Variants in PEX5L observed in about 807,000 individuals in gnomAD.
PEX5L encodes the protein PEX5-related protein.
In PEX5L, 30 loss-of-function variants were observed where a neutral mutation model predicts 84.0. That is an observed-to-expected ratio of 0.36 (90% CI 0.27 to 0.48). The LOEUF (loss-of-function observed/expected upper bound fraction) is 0.48. Ranked by LOEUF, PEX5L falls within the 20% of genes least tolerant of loss-of-function variation. The pLI, the probability that PEX5L is intolerant of heterozygous loss-of-function variation, is 0.99. For synonymous variants in PEX5L, 270 were observed against 283.1 expected (o/e 0.95, Z 0.46); for missense variants, 533 against 754.6 (o/e 0.71, Z 3.44).
intron 2 of PEX5L, among the ~76,000 whole-genome samples, chr3:179,930,544 T>G (rs1772792992): frequency 6.6e-6 from 1 of 152,338 alleles, no homozygotes; most frequent in Admixed American, 6.5e-5. Flanking sequence ...AGTCTCTTAT[T>G]GATTGGCACT....
intron 1 of PEX5L, among the ~76,000 whole-genome samples, chr3:179,980,803 A>C (rs1786255567): frequency 1.3e-5 from 2 of 152,062 alleles, no homozygotes; most frequent in Admixed American, 6.6e-5. Flanking sequence ...GCACTTTGGG[A>C]GGCTGAGGTC....
In PEX5L at chr3:180,036,881, G is replaced by A; in HGVS notation, c.-282C>T. ...AGGCTCTCCTGCAGGCGCGGGTCCT[G>A]CTCGCGGGGCGTCTCTAGAACTCAC... On this transcript the variant is annotated 5_prime_UTR_variant, in exon 1 of 15. Coordinates refer to ENST00000467460, the MANE Select transcript of PEX5L (RefSeq NM_016559.3). The A allele has an allele frequency of 1.9e-6, 1 of 528,340 alleles. No homozygotes were observed. Among genetic ancestry groups the A allele is most frequent in the Non-Finnish European group, 3.4e-6 (1 of 290,630 alleles). 32.7% of individuals were successfully genotyped at this position (528,340 alleles called of 1,614,324 possible). A position where few individuals can be genotyped will look rare whatever the true frequency, so the allele number is the denominator to read the frequency against.
intron 1 of PEX5L, among the ~76,000 whole-genome samples, chr3:180,027,942 T>C (rs938645317): frequency 1.3e-5 from 2 of 152,200 alleles, no homozygotes; most frequent in Non-Finnish European, 2.9e-5. Context: ...ATTTTTGGCA[T>C]GATTATTACC....
intron 8 of PEX5L, among the ~76,000 whole-genome samples, chr3:179,846,926 T>C (rs1339484659): frequency 6.6e-6 from 1 of 152,156 alleles, no homozygotes; most frequent in South Asian, 2.1e-4. Context: ...AAATGGAAGA[T>C]CTAGAGACAT....
At chr3:179,863,345 C>T (rs1032566509) in intron 7 of PEX5L, among the ~76,000 whole-genome samples, 9 of 151,212 alleles carry the variant, frequency 6.0e-5, no homozygotes, top group Non-Finnish European at 1.3e-4. Context: ...AGTGGAATTA[C>T]ATCAAACTCA....
At chr3:179,878,225 G>C (rs1323389717) in intron 5 of PEX5L, among the ~76,000 whole-genome samples, 1 of 152,110 alleles carries the variant, frequency 6.6e-6, no homozygotes, top group East Asian at 1.9e-4. Context: ...TGTCCCCATT[G>C]CTCACGTATA....
At chr3:179,865,224 T>C (rs989392420) in intron 7 of PEX5L, among the ~76,000 whole-genome samples, 11 of 152,208 alleles carry the variant, frequency 7.2e-5, no homozygotes, top group African/African-American at 2.7e-4. Flanking sequence ...TAGGGAAGTG[T>C]TATTTTCCAC....
At chr3:179,862,990 A>C (rs962712468) in intron 7 of PEX5L, among the ~76,000 whole-genome samples, 1 of 152,236 alleles carries the variant, frequency 6.6e-6, no homozygotes, top group Non-Finnish European at 1.5e-5. Context: ...AAAAACAGGC[A>C]TATAGACCAA....
chr3:179,900,544 AC>A, intron 2 of PEX5L: 1 of 658,912 alleles, frequency 1.5e-6, no homozygotes, highest in South Asian at 1.9e-5. Flanking sequence ...TTTCACTAAA[AC>A]AAAAACAAAA....
chr3:179,865,703 G>T (rs1369754624), intron 7 of PEX5L, among the ~76,000 whole-genome samples: 2 of 152,020 alleles, frequency 1.3e-5, no homozygotes, highest in African/African-American at 4.8e-5. Flanking sequence ...AAACCTTTGT[G>T]GGCACTGGAA....
chr3:179,801,679 T>C lies in PEX5L; in HGVS notation c.*149A>G. 2 of 642,748 alleles carry C rather than the reference T, an allele frequency of 3.1e-6. No homozygotes were observed. The highest frequency in any genetic ancestry group is 5.4e-5 in the East Asian group (2 of 36,748). 39.8% of individuals were successfully genotyped at this position (642,748 alleles called of 1,614,324 possible). On this transcript the variant is annotated 3_prime_UTR_variant, in exon 15 of 15. Coordinates refer to ENST00000467460, the MANE Select transcript of PEX5L (RefSeq NM_016559.3). ...TTTGGATCTGAACAGAGACTGGGCA[T>C]TGTCCACAGGAATTAATTTCCTTGG... is the stretch of plus-strand genomic sequence containing the variant.
chr3:179,871,141 C>G (rs1750232120), intron 7 of PEX5L, among the ~76,000 whole-genome samples: 1 of 130,712 alleles, frequency 7.7e-6, no homozygotes, highest in Non-Finnish European at 1.5e-5. Flanking sequence ...CTCGCTCTGT[C>G]ACCCAGACTG....
chr3:179,944,615 T>C (rs1777035072), intron 2 of PEX5L, among the ~76,000 whole-genome samples: 2 of 152,218 alleles, frequency 1.3e-5, no homozygotes, highest in African/African-American at 4.8e-5. Flanking sequence ...AAAACAGAAT[T>C]ATGTTCTTTT....
chr3:179,815,150 G>C (rs1725543192), intron 10 of PEX5L, among the ~76,000 whole-genome samples: 1 of 152,206 alleles, frequency 6.6e-6, no homozygotes. Context: ...AATAGTTTAA[G>C]CCAGGACCTG....
chr3:179,882,755 A>G (rs973297906), intron 4 of PEX5L, among the ~76,000 whole-genome samples: 7 of 152,190 alleles, frequency 4.6e-5, no homozygotes, highest in African/African-American at 1.7e-4. Flanking sequence ...CTTCAGGCAC[A>G]TGAAGTTTTG....
At chr3:179,868,302 T>C (rs1749105093) in intron 7 of PEX5L, among the ~76,000 whole-genome samples, 1 of 152,002 alleles carries the variant, frequency 6.6e-6, no homozygotes, top group Non-Finnish European at 1.5e-5. Flanking sequence ...AAATGGGGAT[T>C]ATATTAACTC....
chr3:179,999,668 C>T (rs1561043501), intron 1 of PEX5L, among the ~76,000 whole-genome samples: 1 of 152,350 alleles, frequency 6.6e-6, no homozygotes, highest in African/African-American at 2.4e-5. Flanking sequence ...ATTCTGCATG[C>T]AATGCTTCTG....
intron 1 of PEX5L, among the ~76,000 whole-genome samples, chr3:179,997,452 G>A (rs1787993107): frequency 6.6e-6 from 1 of 152,190 alleles, no homozygotes; most frequent in Admixed American, 6.5e-5. Context: ...TTGGCTCCCT[G>A]ATTGGTAAGG....
intron 2 of PEX5L, among the ~76,000 whole-genome samples, chr3:179,964,255 T>C (rs985636944): frequency 6.6e-6 from 1 of 152,132 alleles, no homozygotes; most frequent in Non-Finnish European, 1.5e-5. Flanking sequence ...ACACGTGGTA[T>C]TTCCTTTTCT....
Sources: allele counts gnomAD v4.1 joint callset (sites outside exome capture counted in the v4.1 genomes callset), GRCh38; gene constraint gnomAD v4.1.1; transcripts MANE v1.5; gene names NCBI Gene and HGNC (gene_info 2026-07-23, HGNC 2026-07-21).